Variants in UBE2O observed in about 807,000 individuals in gnomAD.
UBE2O encodes ubiquitin conjugating enzyme E2 O.
Under a neutral mutation model 125.8 loss-of-function variants are expected in UBE2O, and 15 were observed. The ratio of observed to expected loss-of-function variants is 0.12; its 90% CI spans 0.08 to 0.18. The LOEUF (loss-of-function observed/expected upper bound fraction) is 0.18. Among genes scored for constraint, UBE2O ranks in the 10% least tolerant of loss-of-function variants. UBE2O has a pLI of 1.00. For missense variants in UBE2O, 1,280 were observed against 1,723.6 expected (o/e 0.74, Z 4.56); for synonymous variants, 708 against 703.2 (o/e 1.01, Z -0.11).
At chr17:76,392,438 T>A (rs1054233042) in intron 15 of UBE2O, among the ~76,000 whole-genome samples, 4 of 152,040 alleles carry the variant, frequency 2.6e-5, no homozygotes, top group Admixed American at 6.5e-5. Context: ...ATGATTTTTT[T>A]ATTTTGTGTA....
chr17:76,443,512 C>T (rs988064731), intron 1 of UBE2O, among the ~76,000 whole-genome samples: 1 of 152,156 alleles, frequency 6.6e-6, no homozygotes, highest in African/African-American at 2.4e-5. Flanking sequence ...TGGTCTCGAA[C>T]TCCTGACCTC....
At chr17:76,445,348 G>A (rs2073135107) in intron 1 of UBE2O, among the ~76,000 whole-genome samples, 1 of 151,774 alleles carries the variant, frequency 6.6e-6, no homozygotes, top group African/African-American at 2.4e-5. Flanking sequence ...CCTGAAAAAT[G>A]TCTTACTCCT....
In UBE2O at chr17:76,396,802, G is replaced by C; in HGVS notation, c.2135C>G (p.Ser712Cys). ...ILPQHLYNIE[S>C]EIEESDYDSV... ...ATCGTAGTCTGACTCCTCAATCTCA[G>C]ACTCTATGTTGTACAAGTGCTGGGG... is the stretch of plus-strand genomic sequence containing the variant. Residue 712 changes from serine to cysteine, a missense_variant, in exon 14 of 18, where the codon TCT (serine) becomes TGT (cysteine). Transcript: ENST00000319380. The surrounding 1 kb of genome is among the most constrained non-coding windows in gnomAD (Gnocchi z 6.7). The C allele has an allele frequency of 6.2e-7, 1 of 1,602,222 alleles. No homozygotes were observed. Among genetic ancestry groups the C allele is most frequent in the Non-Finnish European group, 8.5e-7 (1 of 1,173,526 alleles).
At chr17:76,440,617 C>T (rs534499408) in intron 1 of UBE2O, among the ~76,000 whole-genome samples, 2 of 152,342 alleles carry the variant, frequency 1.3e-5, no homozygotes, top group Middle Eastern at 3.4e-3. Flanking sequence ...CATGAGCCAC[C>T]ATGCCTGGCC....
chr17:76,397,312 T>C (rs1598583307), intron 13 of UBE2O, among the ~76,000 whole-genome samples: 2 of 152,036 alleles, frequency 1.3e-5, no homozygotes, highest in Admixed American at 6.5e-5. Flanking sequence ...TCCTGCCCCC[T>C]GTGTGGACCA....
chr17:76,399,924 G>T lies in UBE2O; in HGVS notation c.1156-3C>A. 3 of 1,595,786 alleles carry T rather than the reference G, an allele frequency of 1.9e-6. No individual in the cohort carries two copies. The highest frequency in any genetic ancestry group is 2.3e-5 in the South Asian group (2 of 86,738). Reference sequence around the variant, plus strand: ...TGCTTCTTCAACAGGCGCTTCACCTGCAAGGGCGGAGCAGAGAGGACAGGG... The same window carrying T: ...TGCTTCTTCAACAGGCGCTTCACCTTCAAGGGCGGAGCAGAGAGGACAGGG... On this transcript the variant is annotated splice_polypyrimidine_tract_variant and splice_region_variant and intron_variant, in intron 8 of 17. Transcript: ENST00000319380. This position sits in a 1 kb window ranked among gnomAD's most constrained non-coding sequence, Gnocchi z 6.9.
intron 1 of UBE2O, among the ~76,000 whole-genome samples, chr17:76,438,662 G>T (rs2073035995): frequency 1.3e-5 from 2 of 152,136 alleles, no homozygotes; most frequent in African/African-American, 4.8e-5. Context: ...TTACTGGGGG[G>T]TTAGGTACTA....
chr17:76,412,235 A>G (rs2072528391), intron 1 of UBE2O, among the ~76,000 whole-genome samples: 1 of 152,218 alleles, frequency 6.6e-6, no homozygotes. Flanking sequence ...AAGGTCCAGC[A>G]GCCACACACA....
intron 15 of UBE2O, among the ~76,000 whole-genome samples, chr17:76,394,126 C>A (rs565053012): frequency 3.9e-5 from 6 of 152,342 alleles, no homozygotes; most frequent in African/African-American, 1.4e-4. Flanking sequence ...AGCCCTGTTC[C>A]AGGGTTGTGG....
chr17:76,400,375 G>T lies in UBE2O; in HGVS notation c.1004+66C>A. 6.3e-7 allele frequency: 1 copy of T among 1,593,728 alleles called. No individual in the cohort carries two copies. Among genetic ancestry groups the T allele is most frequent in the Non-Finnish European group, 8.6e-7 (1 of 1,167,200 alleles). On this transcript the variant is annotated intron_variant, in intron 7 of 17. Coordinates refer to ENST00000319380, the MANE Select transcript of UBE2O (RefSeq NM_022066.4). The surrounding 1 kb of genome is among the most constrained non-coding windows in gnomAD (Gnocchi z 4.3). ...AGTGTTCTTAAGCCTCCCCAGGCAT[G>T]TGACCAGGGCCCAGAGCCCTGTCCC...
At chr17:76,417,528 T>C (rs577740955) in intron 1 of UBE2O, among the ~76,000 whole-genome samples, 189 of 152,280 alleles carry the variant, frequency 1.2e-3, no homozygotes, top group African/African-American at 4.2e-3. Context: ...CTTGTTAATA[T>C]GGTCAAAATT....
intron 1 of UBE2O, among the ~76,000 whole-genome samples, chr17:76,407,598 A>T (rs182596935): frequency 4.7e-4 from 71 of 152,342 alleles, no homozygotes; most frequent in African/African-American, 1.6e-3. Flanking sequence ...AAGAACGCAG[A>T]CACAGACCTA....
rs1251506370 is a variant in UBE2O, at chr17:76,395,575, G to GCC, written c.2946+148_2946+149dup. ...GCTGAGTCAGCCCTCACCTGACTGA[G>GCC]CCTGTGACCGCCCCTGTAAAAGGTG... On this transcript the variant is annotated intron_variant, in intron 15 of 17. Transcript: ENST00000319380. The surrounding 1 kb of genome is among the most constrained non-coding windows in gnomAD (Gnocchi z 5.0). The GCC allele has an allele frequency of 8.1e-6, 7 of 860,960 alleles. No homozygotes were observed. Among genetic ancestry groups the GCC allele is most frequent in the Non-Finnish European group, 1.1e-5 (6 of 559,642 alleles). The allele number at this position is 860,960 out of a possible 1,614,324, so 53.3% of individuals were successfully genotyped here. A position where few individuals can be genotyped will look rare whatever the true frequency, so the allele number is the denominator to read the frequency against.
rs755874632 is a variant in UBE2O, at chr17:76,400,513, T to C, written c.932A>G (p.Lys311Arg). Reference sequence around the variant, plus strand: ...GTCCGTGCCCCCTGGACAGAAACTCTTGGTAATCCATGTAACTTTCAACTC... The same window carrying C: ...GTCCGTGCCCCCTGGACAGAAACTCCTGGTAATCCATGTAACTTTCAACTC... ...VVELKVTWIT[K>R]SFCPGGTDSV... Residue 311 changes from lysine to arginine, a missense_variant, in exon 7 of 18, where the codon AAG becomes AGG. This residue lies in a region of UBE2O where 206 missense variants were observed against 315.7 expected (regional missense o/e 0.65). Transcript: ENST00000319380. The surrounding 1 kb of genome is among the most constrained non-coding windows in gnomAD (Gnocchi z 4.3). The C allele has an allele frequency of 6.2e-7, 1 of 1,613,464 alleles. No individual in the cohort carries two copies.
At chr17:76,401,946 C>A (rs1177887397) in intron 5 of UBE2O, 118 bp downstream of exon 5, 3 of 977,092 alleles carry the variant, frequency 3.1e-6, no homozygotes, top group Non-Finnish European at 4.4e-6. Flanking sequence ...CTGGCGCGCA[C>A]CCGCCCCTTT....
intron 1 of UBE2O, among the ~76,000 whole-genome samples, chr17:76,423,143 T>C (rs935807380): frequency 1.3e-5 from 2 of 152,016 alleles, no homozygotes; most frequent in African/African-American, 4.8e-5. Context: ...GAACTACGGC[T>C]GAAGAGCAGG....
chr17:76,402,009 C>A lies in UBE2O; in HGVS notation c.750+55G>T. On this transcript the variant is annotated intron_variant, in intron 5 of 17. Coordinates refer to ENST00000319380, the MANE Select transcript of UBE2O (RefSeq NM_022066.4). This position sits in a 1 kb window ranked among gnomAD's most constrained non-coding sequence, Gnocchi z 5.4. Reference sequence around the variant, plus strand: ...TCCAGGTCTTTGCTACGAAGTCCTCCTTCCAGAGGACTGAGCAATCAGAGA... The same window carrying A: ...TCCAGGTCTTTGCTACGAAGTCCTCATTCCAGAGGACTGAGCAATCAGAGA... 6.4e-7 allele frequency: 1 copy of A among 1,566,034 alleles called. No homozygotes were observed. Among genetic ancestry groups the A allele is most frequent in the South Asian group, 1.1e-5 (1 of 87,284 alleles).
chr17:76,425,254 A>G (rs444896), intron 1 of UBE2O, among the ~76,000 whole-genome samples: 9,352 of 149,262 alleles, frequency 0.063, 420 homozygotes, highest in South Asian at 0.13. Context: ...AAAAAAAGTA[A>G]AAGAAAAAAA....
chr17:76,417,836 G>C (rs1298167795), intron 1 of UBE2O, among the ~76,000 whole-genome samples: 2 of 152,216 alleles, frequency 1.3e-5, no homozygotes, highest in African/African-American at 4.8e-5. Context: ...GAGACGTCTG[G>C]GTGAAGAGAT....
Sources: gnomAD v4.1 joint callset for allele counts (sites outside exome capture counted in the v4.1 genomes callset) on GRCh38, gnomAD v4.1.1 for gene constraint, gnomAD v4.1.1 regional missense constraint, Gnocchi (gnomAD v3.1) non-coding constraint, MANE v1.5 for transcripts, NCBI Gene and HGNC (gene_info 2026-07-23, HGNC 2026-07-21) for gene names.